Variants in CEP72 observed in about 807,000 individuals in gnomAD.
CEP72 encodes the protein centrosomal protein 72.
Under a neutral mutation model 65.7 loss-of-function variants are expected in CEP72, and 78 were observed. The ratio of observed to expected loss-of-function variants is 1.19; its 90% confidence interval spans 0.99 to 1.43. The LOEUF (loss-of-function observed/expected upper bound fraction) is 1.43, where lower values mean the gene tolerates loss of function less well. Ranked by LOEUF, CEP72 falls within the 40% of genes most tolerant of loss-of-function variation. CEP72 has a pLI of 0.00. For missense variants in CEP72, 914 were observed against 832.9 expected, an observed-to-expected ratio of 1.10 and a Z score of -1.20; for synonymous variants, 358 against 351.7, an observed-to-expected ratio of 1.02 and a Z score of -0.20.
downstream of CEP72, among the ~76,000 whole-genome samples, chr5:671,377 G>A (rs989740249): frequency 2.0e-5 from 3 of 151,984 alleles, no homozygotes; most frequent in Non-Finnish European, 4.4e-5. Context: ...CCTTCTCTAG[G>A]GGGCCCCAGG....
At chr5:675,218 G>A in the CEP72 span, among the ~76,000 whole-genome samples, 2 of 127,000 alleles carry the variant, frequency 1.6e-5, no homozygotes, top group African/African-American at 3.0e-5. Flanking sequence ...GTAGCCGGGG[G>A]TGCAGTGTGG....
chr5:676,219 G>A, the CEP72 span: 4,093 of 152,310 alleles, frequency 0.027, 197 homozygotes, highest in African/African-American at 0.094. Context: ...ACTCAGATGC[G>A]CCGTACACAA....
downstream of CEP72, among the ~76,000 whole-genome samples, chr5:654,095 G>T (rs1434057562): frequency 1.4e-5 from 2 of 140,036 alleles, no homozygotes; most frequent in African/African-American, 5.4e-5. Context: ...GTGTGTGCTA[G>T]CTGTGTGTGT....
intron 11 of CEP72, 126 bp from the exon 12 acceptor site, chr5:652,862 T>G: frequency 9.7e-7 from 1 of 1,026,276 alleles, no homozygotes; most frequent in East Asian, 2.8e-5. Context: ...GCCACAGAGA[T>G]AGGTCTGTGT....
intron 7 of CEP72, among the ~76,000 whole-genome samples, chr5:638,572 G>T (rs1240127091): frequency 2.0e-5 from 3 of 151,596 alleles, no homozygotes. Context: ...GTGGGGGGGG[G>T]TCCCAGAGCT....
Position 619,013 on chromosome 5 carries a change from C to T in CEP72, c.106C>T (p.Pro36Ser). 6.2e-7 allele frequency: 1 copy of T among 1,611,372 alleles called. No homozygotes were observed. Among genetic ancestry groups the T allele is most frequent in the Non-Finnish European group, 8.5e-7 (1 of 1,177,526 alleles). The change falls in exon 2 of 12, where the codon CCT becomes TCT. Residue 36 changes from proline (P) to serine (S), a missense_variant. Pro to Ser is a moderately conservative substitution (Grantham distance 74). Transcript: ENST00000264935. ...AGCTGAGCTTCAGTCATTGTCTATT[C>T]CTGGAACTTACCAAGAGAAGATCAC... is the stretch of plus-strand genomic sequence containing the variant. ...DLAELQSLSI[P>S]GTYQEKITHL...
At chr5:615,046 T>G (rs1405382581) in intron 1 of CEP72, among the ~76,000 whole-genome samples, 3 of 152,060 alleles carry the variant, frequency 2.0e-5, no homozygotes, top group Non-Finnish European at 4.4e-5. Context: ...TCACTTTGTA[T>G]GTTTTGAAGC....
chr5:643,463 C>CG (rs1208239260), intron 9 of CEP72: 21 of 985,372 alleles, frequency 2.1e-5, no homozygotes, highest in Non-Finnish European at 2.5e-5. Flanking sequence ...CCATGGGCGT[C>CG]GGGGGCCTGG....
At chr5:627,309 G>A (rs1736820753) in intron 4 of CEP72, among the ~76,000 whole-genome samples, 2 of 152,190 alleles carry the variant, frequency 1.3e-5, no homozygotes, top group African/African-American at 4.8e-5. Context: ...ATGTCTCTGG[G>A]ATCTGTGGTG....
chr5:638,462 C>G (rs1737770989), intron 7 of CEP72, among the ~76,000 whole-genome samples: 1 of 151,664 alleles, frequency 6.6e-6, no homozygotes, highest in Non-Finnish European at 1.5e-5. Flanking sequence ...ACAACGAGGG[C>G]TTCAGACTCC....
At chr5:669,340 T>C (rs1254682067), downstream of CEP72, among the ~76,000 whole-genome samples, 1 of 151,770 alleles carries the variant, frequency 6.6e-6, no homozygotes, top group African/African-American at 2.4e-5. Flanking sequence ...GTGTTGGGGG[T>C]GGATTTAGCC....
At chr5:668,146 G>A (rs77774029), downstream of CEP72, among the ~76,000 whole-genome samples, 8 of 55,062 alleles carry the variant, frequency 1.5e-4, no homozygotes, top group Admixed American at 2.0e-4. Flanking sequence ...CGTGGGCCCC[G>A]TCAGGGAAGT....
In CEP72 at chr5:636,185, G is replaced by A. The variant is rs190782461; in HGVS notation, c.904+601G>A. ...TAAGTAGTTAAATATTTTTCACATC[G>A]TTTGCTTTTACTATGAAATTTCTCC... On this transcript the variant is annotated intron_variant, in intron 6 of 11. Transcript: ENST00000264935. Among the ~76,000 whole-genome samples, 574 of 152,260 alleles carry A rather than the reference G, an allele frequency of 3.8e-3. 11 individuals carry two copies. Among genetic ancestry groups the A allele is most frequent in the Non-Finnish European group, 5.3e-3 (362 of 68,026 alleles).
At chr5:670,279 C>T (rs1254047746), downstream of CEP72, among the ~76,000 whole-genome samples, 3 of 152,186 alleles carry the variant, frequency 2.0e-5, no homozygotes, top group East Asian at 5.8e-4. Context: ...ATGGTGCCCT[C>T]TCTGAGGGGC....
chr5:621,888 C>T (rs1339921727), intron 3 of CEP72, among the ~76,000 whole-genome samples: 6 of 152,256 alleles, frequency 3.9e-5, no homozygotes, highest in Admixed American at 3.9e-4. Context: ...ATACTCCTGC[C>T]GCAGCCTCCC....
intron 11 of CEP72, among the ~76,000 whole-genome samples, chr5:652,114 G>A (rs970351663): frequency 6.6e-6 from 1 of 152,210 alleles, no homozygotes; most frequent in Non-Finnish European, 1.5e-5. Context: ...CGTGGGCAGG[G>A]CCATGTGACT....
Position 645,119 on chromosome 5 carries a change from CAG to C in CEP72, c.1666+695_1666+696del, listed in dbSNP as rs1005328353. On this transcript the variant is annotated intron_variant, in intron 10 of 11. Coordinates refer to ENST00000264935, the MANE Select transcript of CEP72 (RefSeq NM_018140.4). The surrounding 1 kb of genome is among the most constrained non-coding windows in gnomAD (Gnocchi z 4.0). ...AGCATCTCTTCCTGGTCTAGCCTCTCAGGGGCTCATGGACTTTTCCTCAAAGG... is the reference window on the plus strand; with the variant it reads ...AGCATCTCTTCCTGGTCTAGCCTCTCGGGCTCATGGACTTTTCCTCAAAGG... 2.0e-5 allele frequency among the ~76,000 whole-genome samples: 3 copies of C among 152,110 alleles called. No individual in the cohort carries two copies. The highest frequency in any genetic ancestry group is 4.8e-5 in the African/African-American group (2 of 41,404).
chr5:642,738 C>T lies in CEP72; in HGVS notation c.1540-1561C>T, dbSNP rs3805414. The T allele has an allele frequency of 5.3e-5, 52 of 985,368 alleles. No individual in the cohort carries two copies. In the East Asian group the frequency reaches 4.0e-3, roughly 75 times the overall value. The allele number at this position is 985,368 out of a possible 1,614,324, so 61.0% of individuals were successfully genotyped here. A position where few individuals can be genotyped will look rare whatever the true frequency, so the allele number is the denominator to read the frequency against. On this transcript the variant is annotated intron_variant, in intron 9 of 11. Transcript: ENST00000264935. Reference sequence around the variant, plus strand: ...CAGAAGAATCTGGCAGCCCGAGCCCCGCGGGTAAGGAGCAGTCAGCACCGT... The same window carrying T: ...CAGAAGAATCTGGCAGCCCGAGCCCTGCGGGTAAGGAGCAGTCAGCACCGT...
At chr5:656,389 G>T (rs754963091), downstream of CEP72, among the ~76,000 whole-genome samples, 3 of 152,184 alleles carry the variant, frequency 2.0e-5, no homozygotes, top group Non-Finnish European at 2.9e-5. Flanking sequence ...TGACGTACTT[G>T]CAGTACTGGG....
Sources: gnomAD v4.1 joint callset for allele counts (sites outside exome capture counted in the v4.1 genomes callset) on GRCh38, gnomAD v4.1.1 for gene constraint, Gnocchi (gnomAD v3.1) non-coding constraint, MANE v1.5 for transcripts, NCBI Gene and HGNC (gene_info 2026-07-23, HGNC 2026-07-21) for gene names.